ADAMTS17: variants seen among roughly 807,000 people sequenced by gnomAD.
ADAMTS17 encodes the protein ADAM metallopeptidase with thrombospondin type 1 motif 17.
A neutral mutation model predicts 141.5 loss-of-function variants in ADAMTS17; 113 were observed. The ratio of observed to expected loss-of-function variants is 0.80; its 90% confidence interval spans 0.69 to 0.93. ADAMTS17 has a LOEUF of 0.93. Among genes scored for constraint, ADAMTS17 ranks in the 40% least tolerant of loss-of-function variants. ADAMTS17 has a pLI of 0.00. For synonymous variants in ADAMTS17, 768 were observed against 630.6 expected (o/e 1.22, Z -3.27); for missense variants, 1,659 against 1,517.9 (o/e 1.09, Z -1.54).
intron 4 of ADAMTS17, among the ~76,000 whole-genome samples, chr15:100,270,947 C>T (rs543399661): frequency 2.6e-4 from 39 of 151,748 alleles, no homozygotes; most frequent in Admixed American, 1.8e-3. Context: ...CAGCGCTATT[C>T]GACTTTCCGT....
intron 15 of ADAMTS17, among the ~76,000 whole-genome samples, chr15:100,059,713 G>A (rs2032966345): frequency 6.6e-6 from 1 of 152,158 alleles, no homozygotes; most frequent in Non-Finnish European, 1.5e-5. Flanking sequence ...GACAATGCAG[G>A]TCACCTCCTG....
intron 7 of ADAMTS17, among the ~76,000 whole-genome samples, chr15:100,218,427 A>G (rs1427880216): frequency 6.6e-6 from 1 of 152,230 alleles, no homozygotes; most frequent in Non-Finnish European, 1.5e-5. Context: ...CAAATGATCT[A>G]AATAGACATT....
At chr15:100,040,980 T>TA (rs2031198642) in intron 18 of ADAMTS17, among the ~76,000 whole-genome samples, 2 of 152,196 alleles carry the variant, frequency 1.3e-5, no homozygotes, top group African/African-American at 2.4e-5. Flanking sequence ...AGAAATTGAT[T>TA]AAAAAACCAT....
intron 7 of ADAMTS17, among the ~76,000 whole-genome samples, chr15:100,200,198 G>A (rs1596257621): frequency 6.6e-6 from 1 of 152,328 alleles, no homozygotes; most frequent in Admixed American, 6.5e-5. Context: ...CAGGAGAAAC[G>A]CAATGCAGGG....
intron 10 of ADAMTS17, among the ~76,000 whole-genome samples, chr15:100,137,543 T>C (rs937950745): frequency 5.9e-5 from 9 of 152,192 alleles, no homozygotes; most frequent in African/African-American, 2.2e-4. Flanking sequence ...GGGTGACTGA[T>C]GGATGAACCT....
At chr15:99,988,601 G>A (rs1026268249) in intron 20 of ADAMTS17, among the ~76,000 whole-genome samples, 1 of 152,190 alleles carries the variant, frequency 6.6e-6, no homozygotes, top group Non-Finnish European at 1.5e-5. Context: ...CTTACTGCAG[G>A]GACAGCTTGT....
intron 15 of ADAMTS17, among the ~76,000 whole-genome samples, chr15:100,060,615 TCC>T (rs2033042666): frequency 6.6e-6 from 1 of 152,230 alleles, no homozygotes; most frequent in Admixed American, 6.5e-5. Context: ...TTAGTCTCTC[TCC>T]GTCCTAGCTT....
intron 8 of ADAMTS17, among the ~76,000 whole-genome samples, chr15:100,188,005 G>A (rs1038136317): frequency 6.6e-5 from 10 of 152,166 alleles, no homozygotes; most frequent in Non-Finnish European, 1.5e-4. Flanking sequence ...GGGCACTTGA[G>A]TCCAGGGGTT....
chr15:99,977,398 ATAATTTTTTTTTTTTTTT>A (rs1567632588), intron 20 of ADAMTS17, among the ~76,000 whole-genome samples: 8 of 4,542 alleles, frequency 1.8e-3, no homozygotes, highest in African/African-American at 5.2e-3. Context: ...ATATATATAT[ATAATTTTTTTTTTTTTTT>A]TTTTTTTTTT....
chr15:99,986,112 C>A (rs1284638097), intron 20 of ADAMTS17, among the ~76,000 whole-genome samples: 1 of 152,266 alleles, frequency 6.6e-6, no homozygotes, highest in African/African-American at 2.4e-5. Flanking sequence ...CACATGCCCA[C>A]AGCAAGTGGG....
intron 13 of ADAMTS17, among the ~76,000 whole-genome samples, chr15:100,113,402 A>G (rs2036913438): frequency 6.6e-6 from 1 of 152,146 alleles, no homozygotes; most frequent in African/African-American, 2.4e-5. Flanking sequence ...CCCCTTAATG[A>G]GGTCACCTGG....
chr15:100,146,999 CGGTCCTGT>C (rs1041001511), intron 10 of ADAMTS17, among the ~76,000 whole-genome samples: 4 of 152,144 alleles, frequency 2.6e-5, no homozygotes, highest in African/African-American at 9.7e-5. Context: ...AATTTCACCC[CGGTCCTGT>C]GGTCCTGTGA....
At chr15:100,302,306 G>A (rs147217834) in intron 3 of ADAMTS17, among the ~76,000 whole-genome samples, 21 of 152,060 alleles carry the variant, frequency 1.4e-4, no homozygotes, top group African/African-American at 4.6e-4. Context: ...TATTTAATTC[G>A]CAAATTGACA....
intron 7 of ADAMTS17, among the ~76,000 whole-genome samples, chr15:100,232,137 A>ATTGGG (rs1210788632): frequency 6.6e-6 from 1 of 152,176 alleles, no homozygotes; most frequent in East Asian, 1.9e-4. Flanking sequence ...AGGCAGAAAA[A>ATTGGG]TTGGGTTGGG....
At chr15:100,245,011 G>C (rs563186430) in intron 7 of ADAMTS17, among the ~76,000 whole-genome samples, 15 of 152,314 alleles carry the variant, frequency 9.8e-5, no homozygotes, top group Admixed American at 4.6e-4. Flanking sequence ...CATGACTAGA[G>C]TAAGAGCCGC....
At chr15:100,210,897 C>G (rs947523617) in intron 7 of ADAMTS17, among the ~76,000 whole-genome samples, 1 of 151,942 alleles carries the variant, frequency 6.6e-6, no homozygotes. Flanking sequence ...GTCAGGAGAT[C>G]GAGACCATCC....
intron 10 of ADAMTS17, among the ~76,000 whole-genome samples, chr15:100,147,634 C>T (rs997118457): frequency 1.3e-5 from 2 of 152,198 alleles, no homozygotes; most frequent in African/African-American, 2.4e-5. Flanking sequence ...CACAGGACCA[C>T]CAGCACATAT....
At chr15:100,263,977 G>A (rs1285340598) in intron 4 of ADAMTS17, among the ~76,000 whole-genome samples, 1 of 152,230 alleles carries the variant, frequency 6.6e-6, no homozygotes, top group African/African-American at 2.4e-5. Context: ...CAGGCACGCA[G>A]TGTTTGAGCA....
intron 10 of ADAMTS17, among the ~76,000 whole-genome samples, chr15:100,140,192 C>T (rs1309066175): frequency 1.3e-5 from 2 of 151,894 alleles, no homozygotes; most frequent in East Asian, 3.9e-4. Context: ...GATGGGGTTT[C>T]ACCATGTTGG....
Sources: gnomAD v4.1 joint callset for allele counts (sites outside exome capture counted in the v4.1 genomes callset) on GRCh38, gnomAD v4.1.1 for gene constraint, MANE v1.5 for transcripts, NCBI Gene and HGNC (gene_info 2026-07-23, HGNC 2026-07-21) for gene names.